The following ZMIZ1 variants were observed in gnomAD, a reference collection of about 807,000 sequenced individuals.
The protein encoded by ZMIZ1 is zinc finger MIZ domain-containing protein 1.
Under a neutral mutation model 113.9 loss-of-function variants are expected in ZMIZ1, and 17 were observed. The observed-to-expected ratio is 0.15, with a 90% confidence interval of 0.10 to 0.22. The LOEUF is 0.22. ZMIZ1 is among the 10% of genes least tolerant of loss of function. The probability of loss-of-function intolerance (pLI) is 1.00; values close to 1 mark genes in which losing one functional copy is unlikely to be tolerated. For synonymous variants in ZMIZ1, 607 were observed against 603.1 expected, an observed-to-expected ratio of 1.01 and a Z score of -0.09; for missense variants, 1,059 against 1,477.8, an observed-to-expected ratio of 0.72 and a Z score of 4.65.
chr10:79,239,273 G>C (rs1253286054), intron 7 of ZMIZ1, among the ~76,000 whole-genome samples: 1 of 152,208 alleles, frequency 6.6e-6, no homozygotes, highest in African/African-American at 2.4e-5. Flanking sequence ...TGTGATAGCT[G>C]CTCCATGCCA....
At chr10:79,142,054 A>G (rs1845294514) in intron 3 of ZMIZ1, among the ~76,000 whole-genome samples, 1 of 152,218 alleles carries the variant, frequency 6.6e-6, no homozygotes, top group Admixed American at 6.5e-5. Flanking sequence ...GGATTTAAAA[A>G]GACGGAGACA....
At chr10:79,083,784 G>C (rs950858250) in intron 1 of ZMIZ1, among the ~76,000 whole-genome samples, 1 of 152,212 alleles carries the variant, frequency 6.6e-6, no homozygotes, top group Non-Finnish European at 1.5e-5. Context: ...CACTGGGAAT[G>C]CCTGTCCACC....
Position 79,310,933 on chromosome 10 carries a change from G to A in ZMIZ1, c.2845G>A (p.Ala949Thr), listed in dbSNP as rs753707755. ...CTCTCCTCCTCCACAGATGCCACAC[G>A]CTGGCAGCTCTGACCAGCCCCACCC... ...SHPMQETMPHAGSSDQPHPSI... is the reference protein window; with the variant it reads ...SHPMQETMPHTGSSDQPHPSI... The change falls in exon 24 of 25, where the codon GCT becomes ACT. Residue 949 changes from alanine to threonine, a missense_variant. Transcript: ENST00000334512. The A allele has an allele frequency of 1.2e-5, 20 of 1,612,504 alleles. No individual in the cohort carries two copies. Among genetic ancestry groups the A allele is most frequent in the Admixed American group, 8.3e-5 (5 of 59,956 alleles).
intron 3 of ZMIZ1, among the ~76,000 whole-genome samples, chr10:79,148,123 C>T (rs1200132023): frequency 1.3e-5 from 2 of 152,186 alleles, no homozygotes; most frequent in African/African-American, 4.8e-5. Flanking sequence ...TCCACCTCCT[C>T]CCTGCTTCTT....
chr10:79,198,263 A>AAAC lies in ZMIZ1; in HGVS notation c.-49-3318_-49-3316dup, dbSNP rs1013559447. Among the ~76,000 whole-genome samples the AAAC allele has an allele frequency of 3.7e-4, 56 of 152,288 alleles. 1 individual carries two copies. The highest frequency in any genetic ancestry group is 1.2e-3 in the African/African-American group (50 of 41,552). ...GACAGACTCTGTCTCAAAAACAAAC[A>AAAC]AACAAACAAAAAAGCATTTCTTGGA... On this transcript the variant is annotated intron_variant, in intron 4 of 24. Coordinates refer to ENST00000334512, the MANE Select transcript of ZMIZ1 (RefSeq NM_020338.4).
At chr10:79,087,672 A>G (rs1007733806) in intron 1 of ZMIZ1, among the ~76,000 whole-genome samples, 4 of 152,210 alleles carry the variant, frequency 2.6e-5, no homozygotes, top group African/African-American at 9.7e-5. Context: ...GTGCCTCTCT[A>G]CGATCTACAA....
intron 2 of ZMIZ1, among the ~76,000 whole-genome samples, chr10:79,128,041 G>T (rs1469380578): frequency 6.6e-6 from 1 of 152,166 alleles, no homozygotes; most frequent in East Asian, 1.9e-4. Context: ...CTAGGGATTG[G>T]GACAGGAGGC....
intron 5 of ZMIZ1, among the ~76,000 whole-genome samples, chr10:79,203,756 C>T (rs766712609): frequency 3.9e-5 from 6 of 152,230 alleles, no homozygotes; most frequent in Middle Eastern, 3.2e-3. Flanking sequence ...GTCACCATTC[C>T]GTCGCTTACA....
chr10:79,304,423 C>T (rs1411598291), intron 19 of ZMIZ1, among the ~76,000 whole-genome samples: 1 of 152,228 alleles, frequency 6.6e-6, no homozygotes, highest in Non-Finnish European at 1.5e-5. Flanking sequence ...TGGCAGATGC[C>T]AGCTGGAAGT....
At chr10:79,173,355 A>G (rs1054979923) in intron 4 of ZMIZ1, among the ~76,000 whole-genome samples, 1 of 152,120 alleles carries the variant, frequency 6.6e-6, no homozygotes, top group African/African-American at 2.4e-5. Context: ...ACCCAAGACA[A>G]TTCTTCCAAT....
chr10:79,177,719 C>G (rs1297298813), intron 4 of ZMIZ1, among the ~76,000 whole-genome samples: 1 of 152,242 alleles, frequency 6.6e-6, no homozygotes, highest in Non-Finnish European at 1.5e-5. Flanking sequence ...TGGAGAATCT[C>G]ACACATTTAG....
Position 79,136,922 on chromosome 10 carries a change from A to T in ZMIZ1, c.-226-2760A>T, listed in dbSNP as rs1403113716. Among the ~76,000 whole-genome samples the T allele has an allele frequency of 3.9e-5, 6 of 152,214 alleles. No individual in the cohort carries two copies. In the East Asian group the frequency reaches 1.2e-3, roughly 29 times the overall value. On this transcript the variant is annotated intron_variant, in intron 2 of 24. Transcript: ENST00000334512. ...GGAGCTATAGAGTGTTCTAGGTGGG[A>T]GGGGCAGCAGTTTGCAAACAGGAAC...
Position 79,193,909 on chromosome 10 carries a change from ATC to A in ZMIZ1, c.-49-7674_-49-7673del, listed in dbSNP as rs552783626. 2.0e-4 allele frequency among the ~76,000 whole-genome samples: 31 copies of A among 152,286 alleles called. No individual in the cohort carries two copies. In the East Asian group the frequency reaches 5.8e-3, roughly 28 times the overall value. ...AGGGCTAGGGGCCAGGCCGAAAAGG[ATC>A]CCAACTGATGCTGACATGTGCAGGT... On this transcript the variant is annotated intron_variant, in intron 4 of 24. Coordinates refer to ENST00000334512, the MANE Select transcript of ZMIZ1 (RefSeq NM_020338.4).
In ZMIZ1 at chr10:79,283,575, C is replaced by T. The variant is rs1343747576; in HGVS notation, c.426-6200C>T. Among the ~76,000 whole-genome samples the T allele has an allele frequency of 5.3e-5, 8 of 152,142 alleles. No homozygotes were observed. The South Asian group carries it at 1.0e-3, about 20-fold the overall frequency. On this transcript the variant is annotated intron_variant, in intron 8 of 24. Coordinates refer to ENST00000334512, the MANE Select transcript of ZMIZ1 (RefSeq NM_020338.4). ...ATCTCCACAGCTGCCATTTTTAGCT[C>T]GGTTTTGCATAGCTTCACCAAAGCT...
intron 7 of ZMIZ1, among the ~76,000 whole-genome samples, chr10:79,253,908 TCACA>T (rs1219762626): frequency 2.6e-5 from 4 of 151,878 alleles, no homozygotes; most frequent in Middle Eastern, 3.2e-3. Context: ...ACACGCACAC[TCACA>T]CACACACTCA....
chr10:79,310,817 C>T (rs1855095711), intron 23 of ZMIZ1, 107 bp from the exon 24 acceptor site: 32 of 1,318,814 alleles, frequency 2.4e-5, no homozygotes, highest in South Asian at 7.1e-5. Flanking sequence ...GGCCACGTTT[C>T]GGGGGTTGTG....
At chr10:79,173,668 G>A (rs79227337) in intron 4 of ZMIZ1, among the ~76,000 whole-genome samples, 1,687 of 152,322 alleles carry the variant, frequency 0.011, 28 homozygotes, top group African/African-American at 0.039. Context: ...CCTGTAGAGT[G>A]TGTGTTATGT....
At chr10:79,277,039 C>T (rs985582959) in intron 7 of ZMIZ1, 142 bp from the exon 8 acceptor site, 2 of 1,066,660 alleles carry the variant, frequency 1.9e-6, no homozygotes, top group Non-Finnish European at 2.6e-6. Context: ...CCCAAGAGGG[C>T]TGAGTAAGTC....
intron 6 of ZMIZ1, among the ~76,000 whole-genome samples, chr10:79,211,575 G>A (rs1274936018): frequency 6.6e-6 from 1 of 152,174 alleles, no homozygotes; most frequent in Non-Finnish European, 1.5e-5. Context: ...AAATCACTTA[G>A]CCCCGAGCAG....
Sources: gnomAD v4.1 joint callset for allele counts (sites outside exome capture counted in the v4.1 genomes callset) on GRCh38, gnomAD v4.1.1 for gene constraint, MANE v1.5 for transcripts, NCBI Gene and HGNC (gene_info 2026-07-23, HGNC 2026-07-21) for gene names.